Variants in CELA1 observed in about 807,000 individuals in gnomAD.
The protein encoded by CELA1 is chymotrypsin-like elastase family member 1.
CELA1 carries 28 observed loss-of-function variants against 34.8 expected under a neutral mutation model. The ratio of observed to expected loss-of-function variants is 0.80; its 90% CI spans 0.60 to 1.10. The LOEUF is 1.10. Among genes scored for constraint, CELA1 ranks in the 50% least tolerant of loss-of-function variants. The pLI, the probability that CELA1 is intolerant of heterozygous loss-of-function variation, is 0.00. For synonymous variants in CELA1, 140 were observed against 129.8 expected (o/e 1.08, Z -0.53); for missense variants, 288 against 327.5 (o/e 0.88, Z 0.93).
At chr12:51,342,887 C>T (rs1162091670) in intron 3 of CELA1, among the ~76,000 whole-genome samples, 187 bp from the exon 4 acceptor site, 1 of 151,230 alleles carries the variant, frequency 6.6e-6, no homozygotes, top group African/African-American at 2.4e-5. Flanking sequence ...TCAAGTGATC[C>T]TCCCACCGCA....
intron 6 of CELA1, among the ~76,000 whole-genome samples, chr12:51,334,983 C>T (rs77659652): frequency 5.9e-5 from 9 of 152,184 alleles, no homozygotes; most frequent in Admixed American, 5.2e-4. Flanking sequence ...ACAACCCTTT[C>T]CCCTTCATTT....
At chr12:51,341,445 T>C in intron 4 of CELA1, 65 bp from the exon 5 acceptor site, 1 of 1,559,254 alleles carries the variant, frequency 6.4e-7, no homozygotes, top group Non-Finnish European at 8.8e-7. Flanking sequence ...GCATATACAC[T>C]GGCCCTCTCT....
At chr12:51,345,015 C>T (rs928945945) in intron 2 of CELA1, among the ~76,000 whole-genome samples, 6 of 152,022 alleles carry the variant, frequency 3.9e-5, no homozygotes, top group African/African-American at 1.5e-4. Flanking sequence ...ATCCCAGCTA[C>T]TCAGGAGGCT....
intron 6 of CELA1, among the ~76,000 whole-genome samples, chr12:51,334,747 T>C (rs1321109475): frequency 1.3e-5 from 2 of 152,236 alleles, no homozygotes; most frequent in African/African-American, 2.4e-5. Flanking sequence ...TCCTTTCATT[T>C]TTTATAGTTT....
At position 51,342,102 on chromosome 12, in the gene CELA1, C is replaced by T. The variant is rs113316657; in HGVS notation, c.326+473G>A. 9.1e-3 allele frequency among the ~76,000 whole-genome samples: 1,386 copies of T among 152,204 alleles called. 29 individuals are homozygous for T. The highest frequency in any genetic ancestry group is 0.032 in the African/African-American group (1,309 of 41,536). Reference sequence around the variant, plus strand: ...TCACCCAGGCTGGAGTGCAGTGGCGCGATCTCAGCTCACTGCACCCTCTTC... The same window carrying T: ...TCACCCAGGCTGGAGTGCAGTGGCGTGATCTCAGCTCACTGCACCCTCTTC... On this transcript the variant is annotated intron_variant, in intron 4 of 7. Coordinates refer to ENST00000293636, the MANE Select transcript of CELA1 (RefSeq NM_001971.6).
intron 4 of CELA1, 74 bp downstream of exon 4, chr12:51,342,501 C>A: frequency 6.2e-7 from 1 of 1,604,120 alleles, no homozygotes. Context: ...TCTGAAAGAA[C>A]AGGTGAAGGC....
intron 1 of CELA1, 92 bp downstream of exon 1, chr12:51,346,531 T>C (rs1370049975): frequency 6.2e-6 from 8 of 1,283,036 alleles, no homozygotes; most frequent in Non-Finnish European, 8.9e-6. Context: ...TTTGCTGACC[T>C]TCCTGCCCAA....
intron 6 of CELA1, among the ~76,000 whole-genome samples, chr12:51,330,742 G>A (rs777366368): frequency 1.7e-4 from 26 of 151,946 alleles, no homozygotes; most frequent in Non-Finnish European, 2.4e-4. Flanking sequence ...AGGCTGAGGC[G>A]GGCGGATCAC....
chr12:51,344,635 G>A (rs1399318401), intron 2 of CELA1, among the ~76,000 whole-genome samples: 3 of 151,964 alleles, frequency 2.0e-5, no homozygotes, highest in Non-Finnish European at 1.5e-5. Context: ...AGGTTACAGT[G>A]AGCTGAGATA....
At chr12:51,344,383 C>T (rs1322284000) in intron 2 of CELA1, among the ~76,000 whole-genome samples, 3 of 152,308 alleles carry the variant, frequency 2.0e-5, no homozygotes, top group East Asian at 3.9e-4. Context: ...CTCCTTCTAC[C>T]TCTGTTCTCC....
intron 6 of CELA1, among the ~76,000 whole-genome samples, chr12:51,336,622 G>A (rs192890485): frequency 2.6e-5 from 4 of 152,224 alleles, no homozygotes; most frequent in African/African-American, 4.8e-5. Context: ...GGGAGACTCC[G>A]TCTCAAACAA....
intron 6 of CELA1, among the ~76,000 whole-genome samples, chr12:51,333,753 G>A (rs574236281): frequency 5.6e-4 from 86 of 152,236 alleles, no homozygotes; most frequent in African/African-American, 1.9e-3. Context: ...TTTAGGAAAC[G>A]ATGTTTTCTT....
At chr12:51,335,954 C>A (rs1946497906) in intron 6 of CELA1, among the ~76,000 whole-genome samples, 1 of 152,074 alleles carries the variant, frequency 6.6e-6, no homozygotes, top group Non-Finnish European at 1.5e-5. Context: ...TGTCTTATTG[C>A]CTCTTTATTT....
At chr12:51,336,621 C>T (rs899368161) in intron 6 of CELA1, among the ~76,000 whole-genome samples, 11 of 152,072 alleles carry the variant, frequency 7.2e-5, no homozygotes, top group Admixed American at 4.6e-4. Flanking sequence ...AGGGAGACTC[C>T]GTCTCAAACA....
intron 7 of CELA1, 76 bp from the exon 8 acceptor site, chr12:51,328,670 T>G: frequency 6.5e-7 from 1 of 1,538,178 alleles, no homozygotes; most frequent in Non-Finnish European, 9.0e-7. Context: ...GGCTCCCAGT[T>G]AAGTATGGTT....
intron 3 of CELA1, among the ~76,000 whole-genome samples, chr12:51,343,293 C>T (rs1946548779): frequency 6.6e-6 from 1 of 152,158 alleles, no homozygotes; most frequent in Non-Finnish European, 1.5e-5. Context: ...CAGGCCTCAC[C>T]CTGGACCTAC....
At chr12:51,339,244 A>G (rs1946518352) in intron 6 of CELA1, among the ~76,000 whole-genome samples, 1 of 150,432 alleles carries the variant, frequency 6.6e-6, no homozygotes, top group African/African-American at 2.4e-5. Flanking sequence ...CATCGCTGCC[A>G]TTAAAAAATC....
intron 6 of CELA1, among the ~76,000 whole-genome samples, chr12:51,335,743 C>A (rs1946497029): frequency 6.6e-6 from 1 of 151,108 alleles, no homozygotes; most frequent in Non-Finnish European, 1.5e-5. Context: ...CTCAAGTGAT[C>A]TTCCCACCTC....
At chr12:51,336,775 C>T (rs958951467) in intron 6 of CELA1, among the ~76,000 whole-genome samples, 2 of 152,216 alleles carry the variant, frequency 1.3e-5, no homozygotes, top group African/African-American at 4.8e-5. Context: ...GTGCCCTCCC[C>T]CAAATCACTT....
Sources: allele counts gnomAD v4.1 joint callset (sites outside exome capture counted in the v4.1 genomes callset), GRCh38; gene constraint gnomAD v4.1.1; transcripts MANE v1.5; gene names NCBI Gene and HGNC (gene_info 2026-07-23, HGNC 2026-07-21).